The following CKS2 variants were observed in gnomAD, a reference collection of about 807,000 sequenced individuals.
CKS2 encodes the protein CDC28 protein kinase regulatory subunit 2.
Under a neutral mutation model 14.3 loss-of-function variants are expected in CKS2, and 4 were observed. The observed-to-expected ratio is 0.28, with a 90% CI of 0.14 to 0.64. The LOEUF is 0.64. Among genes scored for constraint, CKS2 ranks in the 30% least tolerant of loss-of-function variants. The pLI, the probability that CKS2 is intolerant of heterozygous loss-of-function variation, is 0.83. For synonymous variants in CKS2, 33 were observed against 28.7 expected, an observed-to-expected ratio of 1.15 and a Z score of -0.48; for missense variants, 71 against 94.3, an observed-to-expected ratio of 0.75 and a Z score of 1.02.
At chr9:89,316,251 C>A in intron 2 of CKS2, 122 bp from the exon 3 acceptor site, 1 of 666,818 alleles carries the variant, frequency 1.5e-6, no homozygotes, top group South Asian at 1.9e-5. Context: ...ATTTTGGATA[C>A]CTCAAACCAA....
chr9:89,313,044 A>G lies in CKS2; in HGVS notation c.59+1693A>G, dbSNP rs1762117755. Among the ~76,000 whole-genome samples, 3 of 152,208 alleles carry G rather than the reference A, an allele frequency of 2.0e-5. No homozygotes were observed. The South Asian group carries it at 6.2e-4, about 31-fold the overall frequency. On this transcript the variant is annotated intron_variant, in intron 1 of 2. Coordinates refer to ENST00000314355, the MANE Select transcript of CKS2 (RefSeq NM_001827.3). ...GAAGAAAGTTTACATATCTGAAGTG[A>G]TGTATTTTAATCCAATAAAAATTAG...
rs978716456 is a variant in CKS2 at position 89,311,436 on chromosome 9, G to A, written c.59+85G>A. On this transcript the variant is annotated intron_variant, in intron 1 of 2. Coordinates refer to ENST00000314355, the MANE Select transcript of CKS2 (RefSeq NM_001827.3). ...CGACCCAGGCATAGTAGGGTCGGGG[G>A]TGGGGGCCGGGGCCTGGGGGGCGGA... 11 of 1,073,488 alleles carry A rather than the reference G, an allele frequency of 1.0e-5. No homozygotes were observed. In the African/African-American group the frequency reaches 1.5e-4, roughly 15 times the overall value. The allele number at this position is 1,073,488 out of a possible 1,614,324, so 66.5% of individuals were successfully genotyped here.
At chr9:89,316,309 T>A in intron 2 of CKS2, 64 bp from the exon 3 acceptor site, 1 of 1,071,352 alleles carries the variant, frequency 9.3e-7, no homozygotes, top group Non-Finnish European at 1.4e-6. Context: ...TGAGAATACT[T>A]TTGAATTTCT....
Position 89,313,964 on chromosome 9 carries a change from T to C in CKS2, c.60-1206T>C, listed in dbSNP as rs575364340. ...AGGCTCACTTTGCCCTGCAAATAAA[T>C]TGGTACTTAACCACAGACTAAAATT... On this transcript the variant is annotated intron_variant, in intron 1 of 2. Transcript: ENST00000314355. Among the ~76,000 whole-genome samples the C allele has an allele frequency of 3.3e-5, 5 of 152,314 alleles. No homozygotes were observed. The South Asian group carries it at 6.2e-4, about 19-fold the overall frequency.
intron 1 of CKS2, among the ~76,000 whole-genome samples, chr9:89,313,520 T>G (rs1317391347): frequency 6.6e-6 from 1 of 152,254 alleles, no homozygotes; most frequent in East Asian, 1.9e-4. Context: ...GTTTGAAATC[T>G]CTGTGTGGCA....
At chr9:89,316,312 G>A (rs1587816167) in intron 2 of CKS2, 61 bp from the exon 3 acceptor site, 1 of 1,090,276 alleles carries the variant, frequency 9.2e-7, no homozygotes. Context: ...GAATACTTTT[G>A]AATTTCTGTT....
At chr9:89,312,283 G>A (rs1334758025) in intron 1 of CKS2, 1 of 154,352 alleles carries the variant, frequency 6.5e-6, no homozygotes, top group Admixed American at 6.6e-5. Flanking sequence ...GGGGGAAAGC[G>A]AGTAGGGACA....
chr9:89,315,914 A>G (rs2131464792), intron 2 of CKS2, among the ~76,000 whole-genome samples: 1 of 152,362 alleles, frequency 6.6e-6, no homozygotes, highest in South Asian at 2.1e-4. Flanking sequence ...ATTTGAAGAC[A>G]TACTATAGAA....
chr9:89,311,987 G>A (rs968320401), intron 1 of CKS2, among the ~76,000 whole-genome samples: 2 of 152,044 alleles, frequency 1.3e-5, no homozygotes, highest in African/African-American at 4.8e-5. Flanking sequence ...GCTTGATGGG[G>A]ATTCGAAAAT....
In CKS2 at chr9:89,313,264, CTCTA is replaced by C. The variant is rs543064608; in HGVS notation, c.60-1902_60-1899del. 3.0e-4 allele frequency among the ~76,000 whole-genome samples: 45 copies of C among 152,284 alleles called. No individual in the cohort carries two copies. The Middle Eastern group carries it at 0.014, about 46-fold the overall frequency. On this transcript the variant is annotated intron_variant, in intron 1 of 2. Coordinates refer to ENST00000314355, the MANE Select transcript of CKS2 (RefSeq NM_001827.3). ...TTTATTTTTCCCAGTGTGCAGTTAT[CTCTA>C]TCTTTCTTTGATTTTTCTTAATTAC...
Position 89,315,284 on chromosome 9 carries a change from G to T in CKS2, c.174G>T (p.Met58Ile). ...VQQSLGWVHY[M>I]IHEPEPHILL... ...AGAGTCTAGGCTGGGTTCATTACAT[G>T]ATTCATGAGCCAGGTAAGCTATGCT... Residue 58 changes from methionine (M) to isoleucine (I), a missense_variant, in exon 2 of 3, where the codon ATG becomes ATT. Coordinates refer to ENST00000314355, the MANE Select transcript of CKS2 (RefSeq NM_001827.3). The T allele has an allele frequency of 6.3e-7, 1 of 1,599,706 alleles. No individual in the cohort carries two copies. The highest frequency in any genetic ancestry group is 8.5e-7 in the Non-Finnish European group (1 of 1,172,086).
intron 1 of CKS2, 94 bp from the exon 2 acceptor site, chr9:89,315,076 C>A: frequency 9.0e-7 from 1 of 1,115,892 alleles, no homozygotes; most frequent in South Asian, 2.0e-5. Context: ...TTGCAGTTCT[C>A]AATATTAAAG....
intron 2 of CKS2, among the ~76,000 whole-genome samples, chr9:89,315,675 C>G (rs2131464611): frequency 6.6e-6 from 1 of 151,704 alleles, no homozygotes; most frequent in African/African-American, 2.4e-5. Flanking sequence ...TTCTTCAGCC[C>G]TCTGAAAGGA....
At position 89,315,218 on chromosome 9, in the gene CKS2, T is replaced by A; in HGVS notation, c.108T>A (p.His36Gln). The A allele has an allele frequency of 6.2e-7, 1 of 1,612,030 alleles. No homozygotes were observed. ...TTTCCAAACAAGTACCTAAAACTCATCTGATGTCTGAAGAGGAGTGGAGGA... is the reference window on the plus strand; with the variant it reads ...TTTCCAAACAAGTACCTAAAACTCAACTGATGTCTGAAGAGGAGTGGAGGA... ...RELSKQVPKT[H>Q]LMSEEEWRRL... The change falls in exon 2 of 3, where the codon CAT becomes CAA. Residue 36 changes from histidine to glutamine, a missense_variant. Transcript: ENST00000314355.
In CKS2 at chr9:89,311,269, C is replaced by A; in HGVS notation, c.-24C>A. The A allele has an allele frequency of 2.5e-6, 4 of 1,606,800 alleles. No individual in the cohort carries two copies. Among genetic ancestry groups the A allele is most frequent in the Non-Finnish European group, 3.4e-6 (4 of 1,176,056 alleles). On this transcript the variant is annotated 5_prime_UTR_variant, in exon 1 of 3. Coordinates refer to ENST00000314355, the MANE Select transcript of CKS2 (RefSeq NM_001827.3). ...GCGCCCGCTCTTCGCGCTCTCGTTT[C>A]ATTTTCTGCAGCGCGCCAGCAGGAT...
At chr9:89,314,803 A>G (rs1045707884) in intron 1 of CKS2, among the ~76,000 whole-genome samples, 4 of 152,168 alleles carry the variant, frequency 2.6e-5, no homozygotes, top group Admixed American at 6.5e-5. Flanking sequence ...AGAGTTCAGC[A>G]TGTTCTTTCC....
intron 1 of CKS2, 111 bp downstream of exon 1, chr9:89,311,462 G>T: frequency 4.1e-6 from 3 of 724,114 alleles, no homozygotes; most frequent in South Asian, 4.6e-5. Flanking sequence ...GGGGGGCGGA[G>T]CCCGGGGCCG....
At chr9:89,312,730 T>G (rs954268545) in intron 1 of CKS2, among the ~76,000 whole-genome samples, 7 of 152,160 alleles carry the variant, frequency 4.6e-5, no homozygotes, top group African/African-American at 1.4e-4. Context: ...ACTATACTCG[T>G]GTAATATGCT....
intron 1 of CKS2, among the ~76,000 whole-genome samples, chr9:89,311,626 G>T (rs1033540941): frequency 2.6e-5 from 4 of 152,218 alleles, no homozygotes; most frequent in Non-Finnish European, 5.9e-5. Flanking sequence ...TTAGTACCTG[G>T]GTAGGAACCG....
Sources: gnomAD v4.1 joint callset for allele counts (sites outside exome capture counted in the v4.1 genomes callset) on GRCh38, gnomAD v4.1.1 for gene constraint, MANE v1.5 for transcripts, NCBI Gene and HGNC (gene_info 2026-07-23, HGNC 2026-07-21) for gene names.